JPH2: variants seen among roughly 807,000 people sequenced by gnomAD.
JPH2 encodes the protein junctophilin 2.
JPH2 carries 38 observed loss-of-function variants against 55.9 expected under a neutral mutation model. That is an observed-to-expected ratio of 0.68 (90% confidence interval 0.52 to 0.89). JPH2 has a LOEUF of 0.89. Among genes scored for constraint, JPH2 ranks in the 40% least tolerant of loss-of-function variants. The pLI is 0.00. For missense variants in JPH2, 964 were observed against 1,037.6 expected, an observed-to-expected ratio of 0.93 and a Z score of 0.97; for synonymous variants, 480 against 472.4, an observed-to-expected ratio of 1.02 and a Z score of -0.21.
chr20:44,158,055 T>C (rs1160744423), intron 2 of JPH2, among the ~76,000 whole-genome samples: 1 of 152,198 alleles, frequency 6.6e-6, no homozygotes, highest in African/African-American at 2.4e-5. Context: ...GTAAATGAGT[T>C]AATATAGGTA....
In JPH2 at chr20:44,108,966, G is replaced by A. The variant is rs777298942; in HGVS notation, c.*4552C>T. Among the ~76,000 whole-genome samples the A allele has an allele frequency of 6.6e-6, 1 of 152,166 alleles. No individual in the cohort carries two copies. The highest frequency in any genetic ancestry group is 1.5e-5 in the Non-Finnish European group (1 of 68,024). ...GGAGTTATTTCCTCAAGCTTCTTCA[G>A]AGAAGAAGGAAACTTCCTTCCCTGA... On this transcript the variant is annotated 3_prime_UTR_variant, in exon 6 of 6. Coordinates refer to ENST00000372980, the MANE Select transcript of JPH2 (RefSeq NM_020433.5).
At chr20:44,170,624 G>A (rs750309528) in intron 1 of JPH2, among the ~76,000 whole-genome samples, 22 of 152,176 alleles carry the variant, frequency 1.4e-4, no homozygotes, top group Non-Finnish European at 2.2e-4. Flanking sequence ...CTGATTATAA[G>A]GGACTCATAG....
intron 1 of JPH2, among the ~76,000 whole-genome samples, chr20:44,172,549 G>A (rs1467886321): frequency 6.6e-6 from 1 of 152,216 alleles, no homozygotes; most frequent in African/African-American, 2.4e-5. Context: ...CTGGAGTGCA[G>A]TGGCACAATC....
chr20:44,140,387 A>G lies in JPH2; in HGVS notation c.1169+19231T>C, dbSNP rs569393357. On this transcript the variant is annotated intron_variant, in intron 2 of 5. Transcript: ENST00000372980. ...TCCCACCCTCCACGTGGTGGGTCAG[A>G]GCTCCAGGGGCCTCCACCCCTTGGG... is the stretch of plus-strand genomic sequence containing the variant. Among the ~76,000 whole-genome samples, 332 of 152,172 alleles carry G rather than the reference A, an allele frequency of 2.2e-3. 1 individual carries two copies. Among genetic ancestry groups the G allele is most frequent in the Middle Eastern group, 0.01 (3 of 294 alleles).
intron 2 of JPH2, among the ~76,000 whole-genome samples, chr20:44,142,334 C>A (rs1411586135): frequency 6.6e-6 from 1 of 152,146 alleles, no homozygotes; most frequent in Non-Finnish European, 1.5e-5. Context: ...ACTTAAATGG[C>A]CACAGGTTGC....
rs540577899 is a variant in JPH2, at chr20:44,185,199, C to T, written c.379+1128G>A. On this transcript the variant is annotated intron_variant, in intron 1 of 5. Transcript: ENST00000372980. ...CATGTGCCTTGTAGTTCCAGCTACT[C>T]AGGAGGCCAAGATGGGAGGATTGCT... Among the ~76,000 whole-genome samples the T allele has an allele frequency of 1.4e-4, 21 of 152,132 alleles. 1 individual carries two copies. In the South Asian group the frequency reaches 4.1e-3, roughly 30 times the overall value.
chr20:44,143,130 C>T (rs532335081), intron 2 of JPH2, among the ~76,000 whole-genome samples: 82 of 152,258 alleles, frequency 5.4e-4, no homozygotes, highest in African/African-American at 1.9e-3. Context: ...CAAAGGACTG[C>T]AGGCAGGAAA....
chr20:44,168,333 ATC>A (rs1339957475), intron 1 of JPH2, among the ~76,000 whole-genome samples: 6 of 152,306 alleles, frequency 3.9e-5, no homozygotes, highest in Middle Eastern at 3.4e-3. Context: ...AATGGAAAAT[ATC>A]TCATTAATGA....
At chr20:44,131,744 T>A (rs2072320835) in intron 2 of JPH2, among the ~76,000 whole-genome samples, 1 of 152,226 alleles carries the variant, frequency 6.6e-6, no homozygotes, top group South Asian at 2.1e-4. Flanking sequence ...AAATCCATCA[T>A]CTACATATTT....
chr20:44,150,505 C>G (rs2072524121), intron 2 of JPH2, among the ~76,000 whole-genome samples: 1 of 152,076 alleles, frequency 6.6e-6, no homozygotes. Flanking sequence ...GCCTTTTTTT[C>G]CCCTGCAGAA....
At chr20:44,166,302 A>G (rs2072655340) in intron 1 of JPH2, among the ~76,000 whole-genome samples, 1 of 152,236 alleles carries the variant, frequency 6.6e-6, no homozygotes, top group Admixed American at 6.5e-5. Flanking sequence ...AATATGCCAG[A>G]GCCAAACTCA....
rs1569226231 is a variant in JPH2, at chr20:44,186,345, C to T, written c.361G>A (p.Glu121Lys). The change falls in exon 1 of 6, where the codon GAG (glutamate) becomes AAG (lysine). Residue 121 changes from glutamate to lysine, a missense_variant. Coordinates refer to ENST00000372980, the MANE Select transcript of JPH2 (RefSeq NM_020433.5). ...GCCTCACCTCCATCAGCATAGGTCT[C>T]GGTGCCATAGCCGTCTTGCAGGCCA... is the stretch of plus-strand genomic sequence containing the variant. Reference protein sequence around the residue: ...NNGLQDGYGTETYADGGTYQG... With the variant: ...NNGLQDGYGTKTYADGGTYQG... 2 of 1,611,900 alleles carry T rather than the reference C, an allele frequency of 1.2e-6. No homozygotes were observed. Among genetic ancestry groups the T allele is most frequent in the Non-Finnish European group, 8.5e-7 (1 of 1,179,954 alleles).
chr20:44,166,200 C>T (rs1310171388), intron 1 of JPH2, among the ~76,000 whole-genome samples: 6 of 152,130 alleles, frequency 3.9e-5, no homozygotes, highest in South Asian at 2.1e-4. Flanking sequence ...ATGACAGCTC[C>T]GGGGAGGTAT....
intron 2 of JPH2, among the ~76,000 whole-genome samples, chr20:44,146,571 G>A (rs964819818): frequency 7.2e-5 from 11 of 152,170 alleles, no homozygotes; most frequent in African/African-American, 2.7e-4. Flanking sequence ...GTCCGGGGTC[G>A]GGGGCCTTTC....
chr20:44,143,044 G>A (rs1229720836), intron 2 of JPH2, among the ~76,000 whole-genome samples: 1 of 152,186 alleles, frequency 6.6e-6, no homozygotes, highest in Non-Finnish European at 1.5e-5. Context: ...GTCAAGCTGA[G>A]TGAAGCCAGA....
At chr20:44,180,975 T>G (rs2072778009) in intron 1 of JPH2, among the ~76,000 whole-genome samples, 1 of 151,856 alleles carries the variant, frequency 6.6e-6, no homozygotes, top group Admixed American at 6.6e-5. Flanking sequence ...CTGGGGCATG[T>G]GCGGATGCTT....
chr20:44,173,849 G>T (rs984877069), intron 1 of JPH2, among the ~76,000 whole-genome samples: 2 of 152,180 alleles, frequency 1.3e-5, no homozygotes, highest in African/African-American at 2.4e-5. Context: ...GGAGACGGAG[G>T]TTGCAGTTAG....
chr20:44,112,059 C>T lies in JPH2; in HGVS notation c.*1459G>A, dbSNP rs1055716. ...CACAAGGTCCCAGCAGGGCTTGAAA[C>T]GGCAAGTGTGAAGCTAAGGGAGAAG... On this transcript the variant is annotated 3_prime_UTR_variant, in exon 6 of 6. Coordinates refer to ENST00000372980, the MANE Select transcript of JPH2 (RefSeq NM_020433.5). 0.42 allele frequency: 64,166 copies of T among 152,094 alleles called. 13,899 individuals are homozygous for T. Among genetic ancestry groups the T allele is most frequent in the African/African-American group, 0.52 (21,703 of 41,434 alleles). The allele number at this position is 152,094 out of a possible 1,614,324, so 9.4% of individuals were successfully genotyped here.
Position 44,115,929 on chromosome 20 carries a change from C to T in JPH2, c.1746G>A (p.Glu582=). The change falls in exon 4 of 6, where the codon GAG becomes GAA. Residue 582 remains glutamate, a synonymous_variant. Coordinates refer to ENST00000372980, the MANE Select transcript of JPH2 (RefSeq NM_020433.5). The part of the protein sequence containing the change: ...RTTPPEPPPF[E]DQPEPEVSGS... ...CGGAGACCTCGGGCTCGGGCTGGTC[C>T]TCAAAGGGTGGGGGCTCGGGCGGCG... 1 of 1,570,714 alleles carries T rather than the reference C, an allele frequency of 6.4e-7. No individual in the cohort carries two copies. Among genetic ancestry groups the T allele is most frequent in the East Asian group, 2.3e-5 (1 of 43,542 alleles).
Sources: allele counts gnomAD v4.1 joint callset (sites outside exome capture counted in the v4.1 genomes callset), GRCh38; gene constraint gnomAD v4.1.1; transcripts MANE v1.5; gene names NCBI Gene and HGNC (gene_info 2026-07-23, HGNC 2026-07-21).